Variants in MCPH1 observed in about 807,000 individuals in gnomAD.
The protein encoded by MCPH1 is microcephalin.
MCPH1 carries 104 observed loss-of-function variants against 84.5 expected under a neutral mutation model. That is an observed-to-expected ratio of 1.23 (90% CI 1.05 to 1.45). The LOEUF is 1.45. Ranked by LOEUF, MCPH1 falls within the 40% of genes most tolerant of loss-of-function variation. The probability of loss-of-function intolerance (pLI) is 0.00; values close to 1 mark genes in which losing one functional copy is unlikely to be tolerated. For missense variants in MCPH1, 1,498 were observed against 1,005.7 expected (o/e 1.49, Z -6.62); for synonymous variants, 514 against 366.8 (o/e 1.40, Z -4.58).
At chr8:6,615,858 C>T (rs1830736442) in intron 12 of MCPH1, 1 of 152,092 alleles carries the variant, frequency 6.6e-6, no homozygotes, top group South Asian at 2.1e-4. Context: ...GAAGGCGGGG[C>T]AGGGTTTTAG....
At chr8:6,605,201 G>T (rs896414594) in intron 12 of MCPH1, among the ~76,000 whole-genome samples, 1 of 152,190 alleles carries the variant, frequency 6.6e-6, no homozygotes, top group African/African-American at 2.4e-5. Flanking sequence ...GGTTACTCAT[G>T]TTGGGGGAAT....
intron 8 of MCPH1, among the ~76,000 whole-genome samples, chr8:6,447,865 A>G (rs1026563187): frequency 1.3e-5 from 2 of 152,156 alleles, no homozygotes; most frequent in African/African-American, 4.8e-5. Flanking sequence ...TTTGTTTTCT[A>G]AAATCTTTAA....
chr8:6,465,762 T>A (rs1338932781), intron 9 of MCPH1, among the ~76,000 whole-genome samples: 1 of 152,174 alleles, frequency 6.6e-6, no homozygotes, highest in African/African-American at 2.4e-5. Context: ...GCTTTGTTTG[T>A]TATGCTCCTC....
At position 6,597,698 on chromosome 8, in the gene MCPH1, TC is replaced by T. The variant is rs1446244389; in HGVS notation, c.2215-23755del. Among the ~76,000 whole-genome samples the T allele has an allele frequency of 5.3e-5, 8 of 152,292 alleles. No homozygotes were observed. The East Asian group carries it at 1.5e-3, about 29-fold the overall frequency. Reference sequence around the variant, plus strand: ...AGTTTCCCTCTCTTTGCTAATTTCTTCGTCTCTGGGAACATTTCCTTCAACA... The same window carrying T: ...AGTTTCCCTCTCTTTGCTAATTTCTTGTCTCTGGGAACATTTCCTTCAACA... On this transcript the variant is annotated intron_variant, in intron 12 of 13. Transcript: ENST00000344683.
At chr8:6,438,917 T>C (rs372368110) in intron 5 of MCPH1, 36 bp from the exon 6 acceptor site, 2 of 1,601,186 alleles carry the variant, frequency 1.2e-6, no homozygotes, top group African/African-American at 2.7e-5. Flanking sequence ...TGAAGGCACT[T>C]TTTGGTCTTA....
intron 13 of MCPH1, among the ~76,000 whole-genome samples, chr8:6,628,145 G>C (rs1796882722): frequency 6.6e-6 from 1 of 152,078 alleles, no homozygotes; most frequent in South Asian, 2.1e-4. Flanking sequence ...AAACTCACTG[G>C]ATGTGAATTG....
At chr8:6,514,134 C>G (rs778971260) in intron 12 of MCPH1, among the ~76,000 whole-genome samples, 2 of 152,146 alleles carry the variant, frequency 1.3e-5, no homozygotes, top group Non-Finnish European at 2.9e-5. Flanking sequence ...TGTGAAGCAC[C>G]ATTAAACAGT....
intron 12 of MCPH1, among the ~76,000 whole-genome samples, chr8:6,558,876 G>A (rs574974316): frequency 2.6e-5 from 4 of 151,394 alleles, no homozygotes; most frequent in African/African-American, 7.3e-5. Flanking sequence ...TACTGTATAG[G>A]CACATATCAT....
intron 12 of MCPH1, among the ~76,000 whole-genome samples, chr8:6,594,026 C>G (rs146181204): frequency 6.6e-6 from 1 of 152,198 alleles, no homozygotes; most frequent in Non-Finnish European, 1.5e-5. Context: ...CTCGTATAAC[C>G]TTCCTGGGTT....
chr8:6,467,333 G>A (rs573062936), intron 9 of MCPH1, among the ~76,000 whole-genome samples: 3 of 152,000 alleles, frequency 2.0e-5, no homozygotes, highest in African/African-American at 4.8e-5. Context: ...TTGAAGTTGT[G>A]TTGTTTTATT....
chr8:6,480,127 TC>T (rs1341281453), intron 10 of MCPH1, among the ~76,000 whole-genome samples: 1 of 150,730 alleles, frequency 6.6e-6, no homozygotes, highest in East Asian at 1.9e-4. Context: ...TTTCTTTTTT[TC>T]TTTTTTTTTT....
intron 9 of MCPH1, among the ~76,000 whole-genome samples, chr8:6,475,532 A>G (rs987563362): frequency 2.6e-5 from 4 of 152,250 alleles, no homozygotes; most frequent in African/African-American, 4.8e-5. Context: ...TTCAGATGGA[A>G]TGTGCAAATT....
chr8:6,570,763 G>GAA (rs1398586612), intron 12 of MCPH1, among the ~76,000 whole-genome samples: 1 of 147,230 alleles, frequency 6.8e-6, no homozygotes, highest in Non-Finnish European at 1.5e-5. Flanking sequence ...TGTTCATTGT[G>GAA]AAATCGTGTG....
chr8:6,608,880 G>A (rs554513988), intron 12 of MCPH1, among the ~76,000 whole-genome samples: 7 of 152,224 alleles, frequency 4.6e-5, no homozygotes, highest in East Asian at 3.9e-4. Context: ...CCTCCATCCC[G>A]TGTTCTGACT....
At chr8:6,504,179 G>T (rs375261756) in intron 12 of MCPH1, among the ~76,000 whole-genome samples, 1 of 151,842 alleles carries the variant, frequency 6.6e-6, no homozygotes, top group South Asian at 2.1e-4. Flanking sequence ...TTAGCCGGGC[G>T]TGGTGGCGGA....
chr8:6,408,908 A>G (rs1322793118), intron 1 of MCPH1, among the ~76,000 whole-genome samples: 21 of 149,506 alleles, frequency 1.4e-4, no homozygotes, highest in Non-Finnish European at 2.5e-4. Context: ...TTTTTTTGAA[A>G]CGGGTCTCGC....
intron 12 of MCPH1, among the ~76,000 whole-genome samples, chr8:6,583,240 T>C (rs1460648615): frequency 1.3e-5 from 2 of 152,210 alleles, no homozygotes; most frequent in Non-Finnish European, 2.9e-5. Context: ...GTTTGCTTTA[T>C]GCTTGATTTT....
chr8:6,522,971 A>G (rs1408622981), intron 12 of MCPH1, among the ~76,000 whole-genome samples: 2 of 151,998 alleles, frequency 1.3e-5, no homozygotes, highest in Non-Finnish European at 2.9e-5. Flanking sequence ...CATAACAGTT[A>G]ATATGTGAGC....
chr8:6,484,096 A>C (rs962000175), intron 11 of MCPH1, among the ~76,000 whole-genome samples: 24 of 152,224 alleles, frequency 1.6e-4, no homozygotes, highest in Admixed American at 1.6e-3. Flanking sequence ...CAAAATTGAA[A>C]GCTTTTACTC....
Sources: gnomAD v4.1 joint callset for allele counts (sites outside exome capture counted in the v4.1 genomes callset) on GRCh38, gnomAD v4.1.1 for gene constraint, MANE v1.5 for transcripts, NCBI Gene and HGNC (gene_info 2026-07-23, HGNC 2026-07-21) for gene names.